PCDHA3: variants seen among roughly 807,000 people sequenced by gnomAD.
PCDHA3 encodes protocadherin alpha 3.
PCDHA3 carries 41 observed loss-of-function variants against 62.2 expected under a neutral mutation model. That is an observed-to-expected ratio of 0.66 (90% CI 0.51 to 0.86). PCDHA3 has a LOEUF of 0.86. PCDHA3 is among the 40% of genes least tolerant of loss of function. PCDHA3 has a pLI of 0.00. For missense variants in PCDHA3, 1,304 were observed against 1,241.2 expected (o/e 1.05, Z -0.76); for synonymous variants, 640 against 555.4 (o/e 1.15, Z -2.14).
intron 1 of PCDHA3, among the ~76,000 whole-genome samples, chr5:140,846,576 A>G (rs1780570619): frequency 6.7e-6 from 1 of 148,418 alleles, no homozygotes; most frequent in African/African-American, 2.5e-5. Context: ...GGGTTTCACC[A>G]TGTTAGCCAG....
chr5:141,003,623 G>C (rs572368614), intron 3 of PCDHA3, among the ~76,000 whole-genome samples: 1 of 152,240 alleles, frequency 6.6e-6, no homozygotes, highest in East Asian at 1.9e-4. Flanking sequence ...CCAGAGGGCA[G>C]TTTTTAAAGT....
At chr5:140,956,217 T>A (rs1554222303) in intron 1 of PCDHA3, among the ~76,000 whole-genome samples, 1 of 152,208 alleles carries the variant, frequency 6.6e-6, no homozygotes, top group Non-Finnish European at 1.5e-5. Context: ...GGCATCCTTG[T>A]CTTGTGCTGG....
chr5:140,946,508 G>A (rs1352307719), intron 1 of PCDHA3, among the ~76,000 whole-genome samples: 3 of 151,202 alleles, frequency 2.0e-5, no homozygotes, highest in Non-Finnish European at 3.0e-5. Flanking sequence ...GTATGTCAAA[G>A]ACCTATCCGC....
rs2150261157 is a variant in PCDHA3, at chr5:140,836,447, C to T, written c.2394+32856C>T. On this transcript the variant is annotated intron_variant, in intron 1 of 3. Transcript: ENST00000522353. ...CGCGGGCATCGTTGGGCATTGCAGG[C>T]CCAGAGACCGAGCTGGTGGATGTCA... is the stretch of plus-strand genomic sequence containing the variant. 26 of 1,613,828 alleles carry T rather than the reference C, an allele frequency of 1.6e-5. No individual in the cohort carries two copies. In the African/African-American group the frequency reaches 3.1e-4, roughly 19 times the overall value.
chr5:140,911,953 G>T (rs1554195050), intron 1 of PCDHA3, among the ~76,000 whole-genome samples: 1 of 152,094 alleles, frequency 6.6e-6, no homozygotes, highest in Non-Finnish European at 1.5e-5. Context: ...TAAAGGGGAG[G>T]TTACTAAGGA....
intron 1 of PCDHA3, chr5:140,808,738 G>A (rs571920804): frequency 3.1e-6 from 5 of 1,612,146 alleles, no homozygotes; most frequent in East Asian, 2.2e-5. Context: ...GCGGCAAGGT[G>A]TACGCGCTGC....
At chr5:140,856,044 A>G (rs782811970) in intron 1 of PCDHA3, 1 of 1,581,666 alleles carries the variant, frequency 6.3e-7, no homozygotes, top group South Asian at 1.1e-5. Context: ...CAAGAGAAGG[A>G]TAAGATGGTT....
chr5:140,911,724 C>T (rs1255448143), intron 1 of PCDHA3, among the ~76,000 whole-genome samples: 1 of 151,192 alleles, frequency 6.6e-6, no homozygotes, highest in Non-Finnish European at 1.5e-5. Context: ...ACTCTGTAAA[C>T]AGTTCGTGCC....
In PCDHA3 at chr5:140,926,166, C is replaced by G. The variant is rs116217295; in HGVS notation, c.2395-52783C>G. 1.9e-3 allele frequency among the ~76,000 whole-genome samples: 292 copies of G among 151,864 alleles called. 1 individual carries two copies. The highest frequency in any genetic ancestry group is 6.7e-3 in the African/African-American group (280 of 41,552). ...AGCGCGGAAAGCTCTGCAGCAGGAT[C>G]CAGCGCGGAAAGCCCCCCGCAGCAC... On this transcript the variant is annotated intron_variant, in intron 1 of 3. Coordinates refer to ENST00000522353, the MANE Select transcript of PCDHA3 (RefSeq NM_018906.3).
At chr5:140,967,390 G>C (rs2096135950) in intron 1 of PCDHA3, 1 of 1,609,870 alleles carries the variant, frequency 6.2e-7, no homozygotes, top group African/African-American at 1.3e-5. Context: ...AAGTGCTTGA[G>C]CTGGTGCTGC....
intron 1 of PCDHA3, chr5:140,824,302 G>T: frequency 1.2e-6 from 1 of 834,910 alleles, no homozygotes; most frequent in East Asian, 2.5e-5. Flanking sequence ...TTCTGCTGGG[G>T]TAATAGATTC....
chr5:140,990,535 A>T (rs1450949471), intron 3 of PCDHA3, among the ~76,000 whole-genome samples: 1 of 152,182 alleles, frequency 6.6e-6, no homozygotes, highest in African/African-American at 2.4e-5. Context: ...ACTGTGCATC[A>T]TAGATACTGT....
Position 140,843,520 on chromosome 5 carries a change from G to A in PCDHA3, c.2394+39929G>A, listed in dbSNP as rs2150361803. 1.5e-5 allele frequency: 24 copies of A among 1,595,834 alleles called. 2 individuals are homozygous for A. The highest frequency in any genetic ancestry group is 2.0e-5 in the Non-Finnish European group (23 of 1,165,564). On this transcript the variant is annotated intron_variant, in intron 1 of 3. Coordinates refer to ENST00000522353, the MANE Select transcript of PCDHA3 (RefSeq NM_018906.3). ...CACTGCCCACTGAGGGCGGGTGCCG[G>A]GCGGGCAAGCCCACTCTGGTGTGCT...
At chr5:140,940,795 A>G (rs2153647229) in intron 1 of PCDHA3, among the ~76,000 whole-genome samples, 1 of 152,276 alleles carries the variant, frequency 6.6e-6, no homozygotes, top group Non-Finnish European at 1.5e-5. Flanking sequence ...TGAAAATGAT[A>G]TTTGCCAGGA....
intron 1 of PCDHA3, among the ~76,000 whole-genome samples, chr5:140,940,904 GT>G (rs1437754574): frequency 6.6e-6 from 1 of 152,188 alleles, no homozygotes; most frequent in Non-Finnish European, 1.5e-5. Context: ...TTTAAATCAA[GT>G]TCAAGACTTG....
intron 1 of PCDHA3, chr5:140,875,560 C>G: frequency 6.2e-7 from 1 of 1,614,124 alleles, no homozygotes; most frequent in Non-Finnish European, 8.5e-7. Context: ...GGGGAGCGGC[C>G]AGCTCCACTA....
chr5:140,823,082 C>T lies in PCDHA3; in HGVS notation c.2394+19491C>T, dbSNP rs1171267979. The T allele has an allele frequency of 4.3e-6, 7 of 1,613,782 alleles. No individual in the cohort carries two copies. The African/African-American group carries it at 8.0e-5, about 18-fold the overall frequency. On this transcript the variant is annotated intron_variant, in intron 1 of 3. Coordinates refer to ENST00000522353, the MANE Select transcript of PCDHA3 (RefSeq NM_018906.3). ...GACGGGGGCTCGCCTTCGCTGTGGG[C>T]CACCGCCAGCGTGTCTGTGGAAGTG...
At position 140,845,518 on chromosome 5, in the gene PCDHA3, T is replaced by C. The variant is rs984046956; in HGVS notation, c.2394+41927T>C. On this transcript the variant is annotated intron_variant, in intron 1 of 3. Coordinates refer to ENST00000522353, the MANE Select transcript of PCDHA3 (RefSeq NM_018906.3). ...AAAGTCTAAACCTATTTCTTGTACATTAATACTTTTCACTATTCTAATTAT... is the reference window on the plus strand; with the variant it reads ...AAAGTCTAAACCTATTTCTTGTACACTAATACTTTTCACTATTCTAATTAT... Among the ~76,000 whole-genome samples the C allele has an allele frequency of 1.3e-5, 2 of 149,636 alleles. 1 individual carries two copies. The highest frequency in any genetic ancestry group is 3.0e-5 in the Non-Finnish European group (2 of 66,854).
At chr5:140,894,997 T>C (rs566489828) in intron 1 of PCDHA3, among the ~76,000 whole-genome samples, 4 of 152,178 alleles carry the variant, frequency 2.6e-5, no homozygotes, top group Non-Finnish European at 5.9e-5. Flanking sequence ...TCCTTTACCC[T>C]TTTTACTTGG....
Sources: allele counts gnomAD v4.1 joint callset (sites outside exome capture counted in the v4.1 genomes callset), GRCh38; gene constraint gnomAD v4.1.1; transcripts MANE v1.5; gene names NCBI Gene and HGNC (gene_info 2026-07-23, HGNC 2026-07-21).